CSK: variants seen among roughly 807,000 people sequenced by gnomAD.
CSK encodes the protein tyrosine-protein kinase CSK.
A neutral mutation model predicts 62.3 loss-of-function variants in CSK; 7 were observed. That is an observed-to-expected ratio of 0.11 (90% CI 0.06 to 0.21). CSK has a LOEUF of 0.21. Ranked by LOEUF, CSK falls within the 10% of genes least tolerant of loss-of-function variation. CSK has a pLI of 1.00. For synonymous variants in CSK, 237 were observed against 246.0 expected, an observed-to-expected ratio of 0.96 and a Z score of 0.34; for missense variants, 294 against 613.5, an observed-to-expected ratio of 0.48 and a Z score of 5.50.
chr15:74,794,303 T>C (rs57490152), intron 1 of CSK, among the ~76,000 whole-genome samples: 700 of 30,454 alleles, frequency 0.023, 60 homozygotes, highest in East Asian at 0.1. Flanking sequence ...GAGGCAGGGG[T>C]AAGGGGTCCC....
In CSK at chr15:74,798,012, G is replaced by T; in HGVS notation, c.-65-221G>T. ...CTATCAGTCCTGGAAGGCCCCCTGT[G>T]GCCTTAGGGTTGGTGGCTCCCTCTG... is the stretch of plus-strand genomic sequence containing the variant. On this transcript the variant is annotated intron_variant, in intron 1 of 12. Coordinates refer to ENST00000220003, the MANE Select transcript of CSK (RefSeq NM_004383.3). The surrounding 1 kb of genome is among the most constrained non-coding windows in gnomAD (Gnocchi z 6.6). 1 of 392,156 alleles carries T rather than the reference G, an allele frequency of 2.6e-6. No homozygotes were observed. The highest frequency in any genetic ancestry group is 4.6e-6 in the Non-Finnish European group (1 of 216,072). 24.3% of individuals were successfully genotyped at this position (392,156 alleles called of 1,614,324 possible). A position where few individuals can be genotyped will look rare whatever the true frequency, so the allele number is the denominator to read the frequency against.
chr15:74,790,035 A>T (rs2063593876), intron 1 of CSK, among the ~76,000 whole-genome samples: 1 of 152,162 alleles, frequency 6.6e-6, no homozygotes, highest in Non-Finnish European at 1.5e-5. Context: ...GGCTCTGGGC[A>T]CACAGGAAGG....
intron 1 of CSK, among the ~76,000 whole-genome samples, chr15:74,787,194 G>T (rs542378781): frequency 1.3e-5 from 2 of 152,170 alleles, no homozygotes; most frequent in African/African-American, 4.8e-5. Flanking sequence ...AATAGAATCC[G>T]CTAAGTAATG....
intron 11 of CSK, 47 bp from the exon 12 acceptor site, chr15:74,801,949 AC>A (rs1431657956): frequency 6.2e-7 from 1 of 1,610,720 alleles, no homozygotes; most frequent in Non-Finnish European, 8.5e-7. Context: ...GTCACTCCCC[AC>A]CCTGGAGTCC....
chr15:74,794,516 T>C (rs2063676265), intron 1 of CSK, among the ~76,000 whole-genome samples: 1 of 152,168 alleles, frequency 6.6e-6, no homozygotes, highest in South Asian at 2.1e-4. Context: ...AACAGCAGGA[T>C]TGATGGCCTG....
Position 74,798,275 on chromosome 15 carries a change from G to C in CSK, c.-23G>C. On this transcript the variant is annotated 5_prime_UTR_variant, in exon 2 of 13. Coordinates refer to ENST00000220003, the MANE Select transcript of CSK (RefSeq NM_004383.3). This position sits in a 1 kb window ranked among gnomAD's most constrained non-coding sequence, Gnocchi z 6.6. Reference sequence around the variant, plus strand: ...GACAGGTTGGCTTTACTGTGACTCGGGGACGCCAGAGCTCCTGAGAAGATG... The same window carrying C: ...GACAGGTTGGCTTTACTGTGACTCGCGGACGCCAGAGCTCCTGAGAAGATG... 6.4e-7 allele frequency: 1 copy of C among 1,556,442 alleles called. No individual in the cohort carries two copies. Among genetic ancestry groups the C allele is most frequent in the Non-Finnish European group, 8.7e-7 (1 of 1,150,840 alleles).
intron 1 of CSK, among the ~76,000 whole-genome samples, chr15:74,794,481 C>T (rs1485438774): frequency 6.6e-6 from 1 of 152,142 alleles, no homozygotes; most frequent in Non-Finnish European, 1.5e-5. Context: ...GGCTCATCCT[C>T]CTTGGGCCTC....
intron 12 of CSK, 90 bp downstream of exon 12, chr15:74,802,173 C>A: frequency 6.9e-7 from 1 of 1,459,716 alleles, no homozygotes; most frequent in South Asian, 1.2e-5. Context: ...CCTCCCCAAT[C>A]AAGGCCTAGA....
rs754515794 is a variant in CSK, at chr15:74,802,294, A to T, written c.1171-37A>T. 9.7e-6 allele frequency: 15 copies of T among 1,540,584 alleles called. No homozygotes were observed. The South Asian group carries it at 1.9e-4, about 19-fold the overall frequency. ...CTGGGTAGGTGTCCTCTCTGAGGCC[A>T]GGGCCTGGACTGACTCCTGCCTCCC... is the stretch of plus-strand genomic sequence containing the variant. On this transcript the variant is annotated intron_variant, in intron 12 of 12. Coordinates refer to ENST00000220003, the MANE Select transcript of CSK (RefSeq NM_004383.3).
At chr15:74,795,283 T>C (rs1011388915) in intron 1 of CSK, among the ~76,000 whole-genome samples, 105 of 152,162 alleles carry the variant, frequency 6.9e-4, no homozygotes, top group African/African-American at 2.5e-3. Flanking sequence ...TGCACTAAAA[T>C]GTCTTCTCCC....
intron 6 of CSK, 53 bp downstream of exon 6, chr15:74,800,558 C>T (rs2063774592): frequency 1.3e-6 from 2 of 1,573,824 alleles, no homozygotes; most frequent in East Asian, 4.6e-5. Flanking sequence ...CCCACGCAGG[C>T]TTCCTGGCAC....
At chr15:74,790,656 A>G (rs1022949966) in intron 1 of CSK, among the ~76,000 whole-genome samples, 13 of 152,200 alleles carry the variant, frequency 8.5e-5, no homozygotes, top group Non-Finnish European at 1.8e-4. Flanking sequence ...GGGGTTAACT[A>G]TAGTCCTATT....
chr15:74,801,160 G>C, intron 9 of CSK, 58 bp downstream of exon 9: 2 of 1,586,376 alleles, frequency 1.3e-6, no homozygotes, highest in South Asian at 1.1e-5. Context: ...AACCCCCACT[G>C]TGCTCTAGGG....
chr15:74,802,012 T>G lies in CSK; in HGVS notation c.1099T>G (p.Ser367Ala). The G allele has an allele frequency of 6.2e-7, 1 of 1,614,040 alleles. No homozygotes were observed. The highest frequency in any genetic ancestry group is 8.5e-7 in the Non-Finnish European group (1 of 1,179,954). ...CACATGGCAGAAATTCTCCACTAAG[T>G]CTGACGTGTGGAGTTTCGGAATCCT... Reference protein sequence around the residue: ...ALREKKFSTKSDVWSFGILLW... With the variant: ...ALREKKFSTKADVWSFGILLW... The change falls in exon 12 of 13, where the codon TCT becomes GCT. Residue 367 changes from serine to alanine, a missense_variant. Transcript: ENST00000220003.
In CSK at chr15:74,782,087, G is replaced by A. The variant is rs1596365137; in HGVS notation, c.-699G>A. The stretch of plus-strand genomic sequence containing the variant: ...CGCGCTGCCGCGGGCGGAGGATCCG[G>A]GCCGCGCTTCCTCTCGCCAGGCCTG... On this transcript the variant is annotated 5_prime_UTR_variant, in exon 1 of 13. Coordinates refer to ENST00000220003, the MANE Select transcript of CSK (RefSeq NM_004383.3). The surrounding 1 kb of genome is among the most constrained non-coding windows in gnomAD (Gnocchi z 5.7). 6.8e-6 allele frequency: 1 copy of A among 147,802 alleles called. No individual in the cohort carries two copies. The highest frequency in any genetic ancestry group is 1.5e-5 in the Non-Finnish European group (1 of 66,064). The allele number at this position is 147,802 out of a possible 1,614,324, so 9.2% of individuals were successfully genotyped here.
chr15:74,802,146 A>G (rs2063802295), intron 12 of CSK, 63 bp downstream of exon 12: 5 of 1,545,548 alleles, frequency 3.2e-6, no homozygotes, highest in African/African-American at 1.4e-5. Flanking sequence ...CAGGGGCGTG[A>G]GCCTCCTTGG....
intron 1 of CSK, among the ~76,000 whole-genome samples, chr15:74,785,963 G>A (rs1202053207): frequency 1.3e-5 from 2 of 149,698 alleles, no homozygotes; most frequent in Non-Finnish European, 3.0e-5. Flanking sequence ...CCCAGCATCA[G>A]AGCTAAATAG....
chr15:74,796,308 T>G (rs1003692802), intron 1 of CSK, among the ~76,000 whole-genome samples: 2 of 151,934 alleles, frequency 1.3e-5, no homozygotes, highest in African/African-American at 2.4e-5. Context: ...AAGGTCTTCA[T>G]CCTTCACATT....
chr15:74,787,972 CGAG>C (rs976396904), intron 1 of CSK, among the ~76,000 whole-genome samples: 3 of 152,144 alleles, frequency 2.0e-5, no homozygotes, highest in Non-Finnish European at 4.4e-5. Flanking sequence ...GTAGAGGAGA[CGAG>C]GAGTCAGTGA....
Sources: gnomAD v4.1 joint callset for allele counts (sites outside exome capture counted in the v4.1 genomes callset) on GRCh38, gnomAD v4.1.1 for gene constraint, Gnocchi (gnomAD v3.1) non-coding constraint, MANE v1.5 for transcripts, NCBI Gene and HGNC (gene_info 2026-07-23, HGNC 2026-07-21) for gene names.